FOXN3: variants seen among roughly 807,000 people sequenced by gnomAD.
FOXN3 encodes the protein forkhead box protein N3.
Under a neutral mutation model 38.4 loss-of-function variants are expected in FOXN3, and 7 were observed. The ratio of observed to expected loss-of-function variants is 0.18; its 90% CI spans 0.10 to 0.34. The LOEUF (loss-of-function observed/expected upper bound fraction) is 0.34, where lower values mean the gene tolerates loss of function less well. Ranked by LOEUF, FOXN3 falls within the 10% of genes least tolerant of loss-of-function variation. The pLI is 1.00. For missense variants in FOXN3, 456 were observed against 613.4 expected, an observed-to-expected ratio of 0.74 and a Z score of 2.71; for synonymous variants, 230 against 242.2, an observed-to-expected ratio of 0.95 and a Z score of 0.47.
At chr14:89,555,509 T>A (rs1403412439) in intron 1 of FOXN3, among the ~76,000 whole-genome samples, 3 of 152,148 alleles carry the variant, frequency 2.0e-5, no homozygotes, top group Non-Finnish European at 4.4e-5. Context: ...AGGATAAGCA[T>A]CTTGTCATAT....
chr14:89,558,097 A>T (rs1895166063), intron 1 of FOXN3, among the ~76,000 whole-genome samples: 2 of 152,334 alleles, frequency 1.3e-5, no homozygotes, highest in South Asian at 2.1e-4. Context: ...TTAAAATTTT[A>T]AAATTACTTT....
intron 4 of FOXN3, among the ~76,000 whole-genome samples, chr14:89,225,262 G>A (rs1473590054): frequency 4.6e-5 from 7 of 152,036 alleles, no homozygotes; most frequent in Admixed American, 3.9e-4. Context: ...ATGCGATCAC[G>A]TCACTGCACA....
intron 2 of FOXN3, among the ~76,000 whole-genome samples, chr14:89,400,401 T>C (rs1240746829): frequency 6.6e-6 from 1 of 152,186 alleles, no homozygotes; most frequent in East Asian, 1.9e-4. Flanking sequence ...TCCACAGAGC[T>C]TGAAACTCAT....
intron 1 of FOXN3, among the ~76,000 whole-genome samples, chr14:89,611,805 CAAA>C (rs56373132): frequency 6.7e-5 from 6 of 89,276 alleles, no homozygotes; most frequent in East Asian, 2.8e-4. Context: ...GACTCCGTCT[CAAA>C]AAAAAAAAAA....
At chr14:89,329,781 G>T (rs915527735) in intron 3 of FOXN3, among the ~76,000 whole-genome samples, 1 of 148,602 alleles carries the variant, frequency 6.7e-6, no homozygotes, top group African/African-American at 2.5e-5. Context: ...CTGTGAACCC[G>T]GGAGGCGGAG....
intron 1 of FOXN3, among the ~76,000 whole-genome samples, chr14:89,529,181 C>A (rs1894500836): frequency 6.6e-6 from 1 of 152,096 alleles, no homozygotes; most frequent in Non-Finnish European, 1.5e-5. Flanking sequence ...TTCTGAAAAT[C>A]ATACATAGGT....
intron 1 of FOXN3, among the ~76,000 whole-genome samples, chr14:89,479,301 T>C (rs1893276264): frequency 6.6e-6 from 1 of 152,186 alleles, no homozygotes; most frequent in Non-Finnish European, 1.5e-5. Flanking sequence ...GTTCAGCCTT[T>C]ATACCCTCTC....
chr14:89,406,049 C>A (rs537469046), intron 2 of FOXN3, among the ~76,000 whole-genome samples: 1 of 152,126 alleles, frequency 6.6e-6, no homozygotes, highest in Non-Finnish European at 1.5e-5. Flanking sequence ...TGTCACCAGG[C>A]GATCTTCCCA....
At chr14:89,439,414 A>C (rs1244292710) in intron 1 of FOXN3, among the ~76,000 whole-genome samples, 1 of 152,082 alleles carries the variant, frequency 6.6e-6, no homozygotes, top group Non-Finnish European at 1.5e-5. Context: ...GCCGGCCAAA[A>C]CCTGCCAAAA....
At position 89,230,693 on chromosome 14, in the gene FOXN3, G is replaced by T. The variant is rs141846688; in HGVS notation, c.746-49887C>A. On this transcript the variant is annotated intron_variant, in intron 4 of 5. Transcript: ENST00000557258. ...ATTTGTGTCTGTTTCCTTCACTGATGAATCCCAAGTATCAAGAACTGCACT... is the reference window on the plus strand; with the variant it reads ...ATTTGTGTCTGTTTCCTTCACTGATTAATCCCAAGTATCAAGAACTGCACT... 13 of 234,124 alleles carry T rather than the reference G, an allele frequency of 5.6e-5. No individual in the cohort carries two copies. In the East Asian group the frequency reaches 1.2e-3, roughly 22 times the overall value. The allele number at this position is 234,124 out of a possible 1,614,324, so 14.5% of individuals were successfully genotyped here.
At chr14:89,296,560 G>A (rs1887045887) in intron 3 of FOXN3, among the ~76,000 whole-genome samples, 1 of 152,196 alleles carries the variant, frequency 6.6e-6, no homozygotes, top group Non-Finnish European at 1.5e-5. Flanking sequence ...GTCTAGTAGG[G>A]CCAGTTTGGT....
upstream of FOXN3, among the ~76,000 whole-genome samples, chr14:89,422,052 T>C (rs1413165583): frequency 6.6e-6 from 1 of 151,680 alleles, no homozygotes; most frequent in African/African-American, 2.4e-5. Context: ...CTAATTTTTC[T>C]GTAGAGATGG....
intron 1 of FOXN3, among the ~76,000 whole-genome samples, chr14:89,505,394 C>A (rs1440881219): frequency 3.9e-5 from 6 of 151,976 alleles, no homozygotes; most frequent in Non-Finnish European, 5.9e-5. Context: ...CCTGCCTCAG[C>A]CTGCCGAGTG....
intron 1 of FOXN3, among the ~76,000 whole-genome samples, chr14:89,568,162 T>A (rs1013797953): frequency 2.6e-5 from 4 of 152,110 alleles, no homozygotes; most frequent in African/African-American, 9.7e-5. Flanking sequence ...GAGGACTTTG[T>A]TTCCCTCCCC....
intron 2 of FOXN3, among the ~76,000 whole-genome samples, chr14:89,384,451 T>A (rs1045125674): frequency 1.2e-4 from 19 of 152,222 alleles, no homozygotes; most frequent in African/African-American, 4.3e-4. Context: ...CATACAATTC[T>A]GAGTCACAGA....
chr14:89,428,708 C>G (rs1398449781), intron 1 of FOXN3, among the ~76,000 whole-genome samples: 1 of 152,222 alleles, frequency 6.6e-6, no homozygotes, highest in Non-Finnish European at 1.5e-5. Flanking sequence ...GTGACGGCAG[C>G]CATGAGTGCC....
At chr14:89,494,633 GA>G (rs1893642726) in intron 1 of FOXN3, among the ~76,000 whole-genome samples, 1 of 152,266 alleles carries the variant, frequency 6.6e-6, no homozygotes, top group African/African-American at 2.4e-5. Flanking sequence ...GATGCTATCA[GA>G]AATGTACCTT....
intron 2 of FOXN3, among the ~76,000 whole-genome samples, chr14:89,394,299 G>A (rs1248339384): frequency 6.8e-6 from 1 of 148,094 alleles, no homozygotes; most frequent in African/African-American, 2.5e-5. Context: ...TGCCTCCCGA[G>A]TTCAAGCAAT....
intron 1 of FOXN3, among the ~76,000 whole-genome samples, chr14:89,454,096 G>A (rs1330746354): frequency 6.6e-6 from 1 of 152,204 alleles, no homozygotes; most frequent in Non-Finnish European, 1.5e-5. Context: ...CTGAGGTCAG[G>A]AGTTTGAGAC....
Sources: gnomAD v4.1 joint callset for allele counts (sites outside exome capture counted in the v4.1 genomes callset) on GRCh38, gnomAD v4.1.1 for gene constraint, MANE v1.5 for transcripts, NCBI Gene and HGNC (gene_info 2026-07-23, HGNC 2026-07-21) for gene names.